SLC35G2: variants seen among roughly 807,000 people sequenced by gnomAD.
SLC35G2 encodes transmembrane protein 22.
A neutral mutation model predicts 27.2 loss-of-function variants in SLC35G2; 20 were observed. The observed-to-expected ratio is 0.74, with a 90% CI of 0.52 to 1.07. The LOEUF is 1.07. SLC35G2 is among the 50% of genes least tolerant of loss of function. SLC35G2 has a pLI of 0.00. For missense variants in SLC35G2, 416 were observed against 493.3 expected (o/e 0.84, Z 1.48); for synonymous variants, 148 against 165.3 (o/e 0.90, Z 0.80).
Position 136,819,411 on chromosome 3 carries a change from CG to C in SLC35G2, c.-232del, listed in dbSNP as rs1936387788. On this transcript the variant is annotated 5_prime_UTR_variant, in exon 1 of 2. Transcript: ENST00000446465. ...CGCGCCCCGCCCGCTTTGCAGACTT[CG>C]GGGTGCTCTGCACGACGCCTGAAAG... 6.6e-6 allele frequency: 1 copy of C among 152,416 alleles called. No individual in the cohort carries two copies. Among genetic ancestry groups the C allele is most frequent in the Admixed American group, 6.5e-5 (1 of 15,290 alleles). 9.4% of individuals were successfully genotyped at this position (152,416 alleles called of 1,614,324 possible).
At chr3:136,831,234 C>T (rs1028747109) in intron 1 of SLC35G2, among the ~76,000 whole-genome samples, 1 of 152,156 alleles carries the variant, frequency 6.6e-6, no homozygotes, top group African/African-American at 2.4e-5. Flanking sequence ...CCTTACTTTA[C>T]AGTTAGGAGA....
intron 1 of SLC35G2, chr3:136,838,953 G>A (rs1286432156): frequency 1.3e-5 from 2 of 152,150 alleles, no homozygotes; most frequent in African/African-American, 2.4e-5. Context: ...ACCTAATTGG[G>A]TATTTAACCA....
chr3:136,853,433 C>T (rs945476410), intron 1 of SLC35G2, among the ~76,000 whole-genome samples: 10 of 152,040 alleles, frequency 6.6e-5, no homozygotes, highest in Non-Finnish European at 1.3e-4. Context: ...CATAGTATTC[C>T]ATTGTATGAA....
chr3:136,838,944 C>A (rs1487952084), intron 1 of SLC35G2: 2 of 152,152 alleles, frequency 1.3e-5, no homozygotes, highest in African/African-American at 2.4e-5. Flanking sequence ...TAGCATCTAA[C>A]CTAATTGGGT....
chr3:136,823,699 G>A (rs1936514612), intron 1 of SLC35G2, among the ~76,000 whole-genome samples: 2 of 151,590 alleles, frequency 1.3e-5, no homozygotes, highest in African/African-American at 2.4e-5. Flanking sequence ...AGGTTCAAAC[G>A]ATTCTCCTGC....
intron 1 of SLC35G2, among the ~76,000 whole-genome samples, chr3:136,826,403 A>G (rs1404553515): frequency 2.0e-5 from 3 of 152,180 alleles, no homozygotes; most frequent in Admixed American, 6.5e-5. Context: ...CAAAATCAAC[A>G]TACAAAAATC....
At chr3:136,843,306 G>C (rs1475792454) in intron 1 of SLC35G2, 3 of 122,728 alleles carry the variant, frequency 2.4e-5, no homozygotes, top group African/African-American at 9.2e-5. Flanking sequence ...CTGGGTGACA[G>C]TGCGAGACTC....
At chr3:136,845,435 A>C (rs1560017206) in intron 1 of SLC35G2, among the ~76,000 whole-genome samples, 2 of 152,138 alleles carry the variant, frequency 1.3e-5, no homozygotes, top group South Asian at 2.1e-4. Context: ...TGAGGCATGC[A>C]CTGGGAAACT....
chr3:136,852,459 A>G (rs777395569), intron 1 of SLC35G2, among the ~76,000 whole-genome samples: 1 of 151,774 alleles, frequency 6.6e-6, no homozygotes, highest in Non-Finnish European at 1.5e-5. Context: ...GAAATCAGGG[A>G]GTCACGAGGA....
At chr3:136,837,925 T>A (rs1163396430) in intron 1 of SLC35G2, 1 of 151,816 alleles carries the variant, frequency 6.6e-6, no homozygotes, top group Non-Finnish European at 1.5e-5. Flanking sequence ...CTGCAACCTC[T>A]GCTACCTGGC....
chr3:136,845,232 A>G (rs1937319164), intron 1 of SLC35G2, among the ~76,000 whole-genome samples: 1 of 152,258 alleles, frequency 6.6e-6, no homozygotes, highest in Admixed American at 6.5e-5. Flanking sequence ...TAAATGTTCT[A>G]TAATGAACAT....
chr3:136,850,608 A>G (rs1937592892), intron 1 of SLC35G2, among the ~76,000 whole-genome samples: 3 of 152,184 alleles, frequency 2.0e-5, no homozygotes, highest in South Asian at 4.1e-4. Flanking sequence ...TATGCCTTGC[A>G]TTGTTCTGAG....
rs1178357399 is a variant in SLC35G2, at chr3:136,829,847, T to G, written c.-19+10219T>G. ...TTTTCTCTTGCTGCTTTTAGGATCC[T>G]TTCTTTATCCTTGATCTTTGGGAGT... On this transcript the variant is annotated intron_variant, in intron 1 of 1. Coordinates refer to ENST00000446465, the MANE Select transcript of SLC35G2 (RefSeq NM_025246.3). Among the ~76,000 whole-genome samples the G allele has an allele frequency of 3.3e-5, 5 of 152,128 alleles. No individual in the cohort carries two copies. The East Asian group carries it at 9.6e-4, about 29-fold the overall frequency.
At chr3:136,822,881 G>A (rs1053609035) in intron 1 of SLC35G2, among the ~76,000 whole-genome samples, 12 of 152,192 alleles carry the variant, frequency 7.9e-5, no homozygotes, top group Non-Finnish European at 1.5e-4. Flanking sequence ...TGGGAATGCA[G>A]ATAACTCTTC....
chr3:136,849,509 T>C (rs920742947), intron 1 of SLC35G2, among the ~76,000 whole-genome samples: 6 of 151,952 alleles, frequency 3.9e-5, no homozygotes, highest in African/African-American at 1.4e-4. Flanking sequence ...TTATTTTTTA[T>C]TTTTGAGACA....
At position 136,854,988 on chromosome 3, in the gene SLC35G2, C is replaced by T; in HGVS notation, c.528C>T (p.Val176=). 5.6e-6 allele frequency: 9 copies of T among 1,614,174 alleles called. No individual in the cohort carries two copies. Among genetic ancestry groups the T allele is most frequent in the Non-Finnish European group, 5.9e-6 (7 of 1,180,032 alleles). Reference sequence around the variant, plus strand: ...TCTTCTTTTATGGTGTATGCAATGTCATTTCTATCACTTGTGCTTATACAT... The same window carrying T: ...TCTTCTTTTATGGTGTATGCAATGTTATTTCTATCACTTGTGCTTATACAT... ...LRLFFYGVCN[V]ISITCAYTSF... is the part of the protein sequence containing the mutation. Residue 176 remains valine (V), a synonymous_variant, in exon 2 of 2, where the codon GTC becomes GTT. Transcript: ENST00000446465.
At chr3:136,839,604 T>C (rs1937004368) in intron 1 of SLC35G2, among the ~76,000 whole-genome samples, 1 of 152,174 alleles carries the variant, frequency 6.6e-6, no homozygotes, top group Non-Finnish European at 1.5e-5. Context: ...ATGGTAAGAC[T>C]AAATGTTTAG....
At chr3:136,844,822 A>AAAAAAAAC (rs1937296397) in intron 1 of SLC35G2, among the ~76,000 whole-genome samples, 1 of 149,336 alleles carries the variant, frequency 6.7e-6, no homozygotes, top group African/African-American at 2.5e-5. Flanking sequence ...AAAAAAAAAA[A>AAAAAAAAC]GAAAACAAGA....
intron 1 of SLC35G2, among the ~76,000 whole-genome samples, chr3:136,849,093 C>T (rs1236508610): frequency 1.3e-5 from 2 of 151,690 alleles, no homozygotes; most frequent in Non-Finnish European, 2.9e-5. Flanking sequence ...GCAGGAGAGT[C>T]GCTTGAATCC....
Sources: gnomAD v4.1 joint callset for allele counts (sites outside exome capture counted in the v4.1 genomes callset) on GRCh38, gnomAD v4.1.1 for gene constraint, MANE v1.5 for transcripts, NCBI Gene and HGNC (gene_info 2026-07-23, HGNC 2026-07-21) for gene names.